Variants in COL14A1 observed in about 807,000 individuals in gnomAD.
The protein encoded by COL14A1 is collagen type XIV alpha 1 chain, also known as collagen alpha-1(XIV) chain.
Under a neutral mutation model 230.3 loss-of-function variants are expected in COL14A1, and 136 were observed. That is an observed-to-expected ratio of 0.59 (90% CI 0.51 to 0.68). The LOEUF (loss-of-function observed/expected upper bound fraction) is 0.68, where lower values mean the gene tolerates loss of function less well. Ranked by LOEUF, COL14A1 falls within the 30% of genes least tolerant of loss-of-function variation. The pLI, the probability that COL14A1 is intolerant of heterozygous loss-of-function variation, is 0.00. For synonymous variants in COL14A1, 792 were observed against 784.1 expected (o/e 1.01, Z -0.17); for missense variants, 1,976 against 2,215.8 (o/e 0.89, Z 2.17).
At chr8:120,236,021 T>G (rs1236671857) in intron 19 of COL14A1, among the ~76,000 whole-genome samples, 1 of 152,078 alleles carries the variant, frequency 6.6e-6, no homozygotes, top group African/African-American at 2.4e-5. Flanking sequence ...TGCTGAGGAG[T>G]GTTTTACTTC....
At position 120,270,181 on chromosome 8, in the gene COL14A1, C is replaced by T. The variant is rs199616941; in HGVS notation, c.3213+7C>T. The T allele has an allele frequency of 1.9e-6, 3 of 1,605,838 alleles. No homozygotes were observed. Among genetic ancestry groups the T allele is most frequent in the Non-Finnish European group, 2.6e-6 (3 of 1,175,870 alleles). Reference sequence around the variant, plus strand: ...TGGCACAGATGGAACCCAAGTAAGGCTAATAAATAATTAATTCATTCTATG... The same window carrying T: ...TGGCACAGATGGAACCCAAGTAAGGTTAATAAATAATTAATTCATTCTATG... On this transcript the variant is annotated splice_region_variant and intron_variant, in intron 26 of 47. Transcript: ENST00000297848.
chr8:120,289,743 G>C lies in COL14A1; in HGVS notation c.4213G>C (p.Gly1405Arg), dbSNP rs867358322. 37 of 1,613,664 alleles carry C rather than the reference G, an allele frequency of 2.3e-5. No homozygotes were observed. The Middle Eastern group carries it at 1.5e-3, about 65-fold the overall frequency. Reference sequence around the variant, plus strand: ...GCTAGGGAAAATGGTTCGATCAAGAGGACCAGGTGGAAACTCTGCACCGGT... The same window carrying C: ...GCTAGGGAAAATGGTTCGATCAAGACGACCAGGTGGAAACTCTGCACCGGT... ...EVLGKMVRSR[G>R]PGGNSAPFQL... is the part of the protein sequence containing the mutation. The change falls in exon 34 of 48, where the codon GGA (glycine) becomes CGA (arginine). Residue 1405 changes from glycine (G) to arginine (R), a missense_variant. Coordinates refer to ENST00000297848, the MANE Select transcript of COL14A1 (RefSeq NM_021110.4).
intron 40 of COL14A1, among the ~76,000 whole-genome samples, chr8:120,331,911 A>G (rs1290135472): frequency 5.9e-5 from 9 of 152,330 alleles, no homozygotes; most frequent in Admixed American, 4.6e-4. Context: ...TAAGTTTGTA[A>G]GTGGCATTTC....
intron 21 of COL14A1, among the ~76,000 whole-genome samples, chr8:120,248,960 C>G: frequency 8.5e-6 from 1 of 117,626 alleles, no homozygotes; most frequent in East Asian, 2.7e-4. Context: ...GAGTCTCGCT[C>G]TGTCACCCAG....
chr8:120,155,446 A>G (rs1034182970), intron 2 of COL14A1, among the ~76,000 whole-genome samples: 2 of 152,202 alleles, frequency 1.3e-5, no homozygotes, highest in African/African-American at 4.8e-5. Flanking sequence ...GTTGAGGGCT[A>G]TAAACTCAGA....
Position 120,281,002 on chromosome 8 carries a change from T to C in COL14A1, c.3767T>C (p.Phe1256Ser). Residue 1256 changes from phenylalanine to serine, a missense_variant, in exon 31 of 48, where the codon TTC becomes TCC. Around this residue, in one of 3 missense-constraint regions of COL14A1, gnomAD observed 1,791 missense variants for 2,019.5 expected, o/e 0.89. Transcript: ENST00000297848. ...VEGVSMEPGT[F>S]NVFPCYQLHK... is the part of the protein sequence containing the mutation. Reference sequence around the variant, plus strand: ...GGGGTTTCTATGGAGCCTGGTACCTTCAATGTGTTTCCATGTTACCAACTC... The same window carrying C: ...GGGGTTTCTATGGAGCCTGGTACCTCCAATGTGTTTCCATGTTACCAACTC... 1.2e-6 allele frequency: 2 copies of C among 1,613,302 alleles called. No individual in the cohort carries two copies. Among genetic ancestry groups the C allele is most frequent in the Non-Finnish European group, 1.7e-6 (2 of 1,179,598 alleles).
At chr8:120,273,764 A>G (rs1819749362) in intron 26 of COL14A1, among the ~76,000 whole-genome samples, 1 of 150,774 alleles carries the variant, frequency 6.6e-6, no homozygotes, top group African/African-American at 2.4e-5. Context: ...CAGACCAACA[A>G]CAGGCAGTGA....
Position 120,355,499 on chromosome 8 carries a change from G to A in COL14A1, c.5077+9936G>A, listed in dbSNP as rs566283286. 4.0e-3 allele frequency among the ~76,000 whole-genome samples: 595 copies of A among 147,504 alleles called. 5 individuals are homozygous for A. Among genetic ancestry groups the A allele is most frequent in the African/African-American group, 0.014 (554 of 39,744 alleles). ...CGGATCTTGGCTCACTGCAACCTCC[G>A]CCCCCCGGGTTCAAGCAATTCTCCT... On this transcript the variant is annotated intron_variant, in intron 45 of 47. Transcript: ENST00000297848.
chr8:120,185,942 T>C (rs1188569210), intron 5 of COL14A1, among the ~76,000 whole-genome samples: 1 of 152,016 alleles, frequency 6.6e-6, no homozygotes, highest in Non-Finnish European at 1.5e-5. Flanking sequence ...CCAGCTAATT[T>C]TTTGTATTTT....
At chr8:120,291,037 AAGAG>A (rs1195115134) in intron 34 of COL14A1, among the ~76,000 whole-genome samples, 1 of 152,204 alleles carries the variant, frequency 6.6e-6, no homozygotes, top group South Asian at 2.1e-4. Context: ...CAGTTACAGT[AAGAG>A]ACTTTTGGGA....
At chr8:120,322,873 G>T (rs1265634314) in intron 40 of COL14A1, among the ~76,000 whole-genome samples, 1 of 152,198 alleles carries the variant, frequency 6.6e-6, no homozygotes. Context: ...ACACATGCAT[G>T]TGTCTTTATA....
intron 25 of COL14A1, among the ~76,000 whole-genome samples, chr8:120,269,737 T>G (rs758273553): frequency 6.6e-6 from 1 of 151,736 alleles, no homozygotes; most frequent in Non-Finnish European, 1.5e-5. Flanking sequence ...TCCCATCTTT[T>G]CCTAGTCCTT....
intron 45 of COL14A1, among the ~76,000 whole-genome samples, chr8:120,361,009 C>T (rs1306147917): frequency 6.6e-6 from 1 of 152,130 alleles, no homozygotes; most frequent in East Asian, 1.9e-4. Context: ...AGACAATCTC[C>T]CCTTCTGTTT....
At chr8:120,338,760 T>C (rs1431859091) in intron 42 of COL14A1, among the ~76,000 whole-genome samples, 1 of 152,216 alleles carries the variant, frequency 6.6e-6, no homozygotes, top group Non-Finnish European at 1.5e-5. Context: ...TGTCATAATG[T>C]ATTAAAATAT....
At position 120,300,753 on chromosome 8, in the gene COL14A1, G is replaced by T. The variant is rs762525858; in HGVS notation, c.4336G>T (p.Asp1446Tyr). Reference protein sequence around the residue: ...PGLRDDESCPDLPHSCSCSET... With the variant: ...PGLRDDESCPYLPHSCSCSET... ...TCAGAGAGATGATGAGTCTTGCCCAGACCTTCCCCATTCCTGCTCCTGTTC... is the reference window on the plus strand; with the variant it reads ...TCAGAGAGATGATGAGTCTTGCCCATACCTTCCCCATTCCTGCTCCTGTTC... Residue 1446 changes from aspartate (D) to tyrosine (Y), a missense_variant, in exon 36 of 48, where the codon GAC becomes TAC. Physicochemically the swap from Asp to Tyr is radical, Grantham distance 160 (BLOSUM62 -3). This residue lies in a region of COL14A1 where 1,791 missense variants were observed against 2,019.5 expected (regional missense o/e 0.89). Coordinates refer to ENST00000297848, the MANE Select transcript of COL14A1 (RefSeq NM_021110.4). The T allele has an allele frequency of 1.2e-6, 2 of 1,613,556 alleles. No homozygotes were observed. Among genetic ancestry groups the T allele is most frequent in the Non-Finnish European group, 1.7e-6 (2 of 1,179,628 alleles).
At chr8:120,260,165 A>G (rs1415914062) in intron 23 of COL14A1, among the ~76,000 whole-genome samples, 2 of 152,126 alleles carry the variant, frequency 1.3e-5, no homozygotes, top group African/African-American at 4.8e-5. Context: ...CAATATATAA[A>G]AATGAATTTA....
intron 5 of COL14A1, among the ~76,000 whole-genome samples, chr8:120,184,850 C>T (rs1384500484): frequency 1.3e-5 from 2 of 152,096 alleles, no homozygotes; most frequent in African/African-American, 4.8e-5. Flanking sequence ...GTCTGCAATC[C>T]CTTAGAGGCC....
At chr8:120,336,191 G>A (rs1268058736) in intron 42 of COL14A1, among the ~76,000 whole-genome samples, 1 of 152,088 alleles carries the variant, frequency 6.6e-6, no homozygotes, top group East Asian at 1.9e-4. Context: ...TGTAATAAAG[G>A]GCAGAAAGTG....
chr8:120,150,368 T>C (rs1815241632), intron 2 of COL14A1, among the ~76,000 whole-genome samples: 1 of 152,180 alleles, frequency 6.6e-6, no homozygotes, highest in Non-Finnish European at 1.5e-5. Flanking sequence ...AAATAGGTGT[T>C]GAAGGCTGGA....
Sources: allele counts gnomAD v4.1 joint callset (sites outside exome capture counted in the v4.1 genomes callset), GRCh38; gene constraint gnomAD v4.1.1; regional missense constraint gnomAD v4.1.1; transcripts MANE v1.5; gene names NCBI Gene and HGNC (gene_info 2026-07-23, HGNC 2026-07-21).